Variants in CCDC12 observed in about 807,000 individuals in gnomAD.
The protein encoded by CCDC12 is coiled-coil domain-containing protein 12.
A neutral mutation model predicts 25.7 loss-of-function variants in CCDC12; 28 were observed. The observed-to-expected ratio is 1.09, with a 90% CI of 0.81 to 1.50. The LOEUF (loss-of-function observed/expected upper bound fraction) is 1.50, where lower values mean the gene tolerates loss of function less well. Ranked by LOEUF, CCDC12 falls within the 40% of genes most tolerant of loss-of-function variation. The pLI, the probability that CCDC12 is intolerant of heterozygous loss-of-function variation, is 0.00. For synonymous variants in CCDC12, 75 were observed against 87.7 expected (o/e 0.86, Z 0.81); for missense variants, 198 against 210.0 (o/e 0.94, Z 0.35).
intron 2 of CCDC12, among the ~76,000 whole-genome samples, chr3:46,931,195 T>C (rs1404323702): frequency 2.6e-5 from 4 of 151,988 alleles, no homozygotes; most frequent in Admixed American, 1.3e-4. Context: ...TTCCATAGAG[T>C]TTCCTTCTAA....
In CCDC12 at chr3:46,921,991, C is replaced by A. The variant is rs749184662; in HGVS notation, c.*66G>T. ...TGGAGGTGATGGCAAGCCTAGCCCC[C>A]ATCCCTGCCCAAGACCATCCTCTGC... On this transcript the variant is annotated 3_prime_UTR_variant, in exon 7 of 7. Coordinates refer to ENST00000683445, the MANE Select transcript of CCDC12 (RefSeq NM_001277074.2). 4.5e-6 allele frequency: 7 copies of A among 1,554,256 alleles called. No individual in the cohort carries two copies. The South Asian group carries it at 4.5e-5, about 10-fold the overall frequency.
chr3:46,948,854 C>T (rs1284170498), intron 1 of CCDC12, among the ~76,000 whole-genome samples: 1 of 152,232 alleles, frequency 6.6e-6, no homozygotes, highest in Non-Finnish European at 1.5e-5. Flanking sequence ...ATTCTTGCTG[C>T]AAGTGCTCAA....
At position 46,925,506 on chromosome 3, in the gene CCDC12, T is replaced by C; in HGVS notation, c.194A>G (p.Glu65Gly). 6.3e-7 allele frequency: 1 copy of C among 1,599,430 alleles called. No homozygotes were observed. The highest frequency in any genetic ancestry group is 8.6e-7 in the Non-Finnish European group (1 of 1,169,082). ...CCTCCTCTTCTTCAGGTCCTCATCC[T>C]CCGGGACATAGTTCCGCAGCCTAAG... ...RELRLRNYVP[E>G]DEDLKKRRVP... The change falls in exon 3 of 7, where the codon GAG (glutamate) becomes GGG (glycine). Residue 65 changes from glutamate to glycine, a missense_variant. By Grantham distance (98) the Glu-to-Gly change is moderately conservative (BLOSUM62 -2). Coordinates refer to ENST00000683445, the MANE Select transcript of CCDC12 (RefSeq NM_001277074.2).
At chr3:46,976,970 G>A (rs115702632), upstream of CCDC12, 13,605 of 179,398 alleles carry the variant, frequency 0.076, 6 homozygotes, top group South Asian at 0.11. Flanking sequence ...AAAAAAAAAA[G>A]AAAAAAAAAA....
chr3:46,928,036 G>T (rs1192788780), intron 2 of CCDC12, among the ~76,000 whole-genome samples: 1 of 152,108 alleles, frequency 6.6e-6, no homozygotes, highest in Non-Finnish European at 1.5e-5. Context: ...ATCACTTTAG[G>T]TCAGGAGTTT....
At chr3:46,957,996 C>CACACACACACACACACACACACACACAT (rs113627328) in intron 1 of CCDC12, among the ~76,000 whole-genome samples, 4 of 142,582 alleles carry the variant, frequency 2.8e-5, no homozygotes, top group South Asian at 2.4e-4. Context: ...CACACACACA[C>CACACACACACACACACACACACACACAT]ATATATATGT....
intron 1 of CCDC12, among the ~76,000 whole-genome samples, chr3:46,947,081 T>C (rs2033936569): frequency 6.6e-6 from 1 of 152,184 alleles, no homozygotes; most frequent in South Asian, 2.1e-4. Context: ...CCAGGTGATA[T>C]GCCCCATTAG....
intron 1 of CCDC12, among the ~76,000 whole-genome samples, chr3:46,958,722 G>A (rs144151797): frequency 6.6e-5 from 10 of 152,156 alleles, no homozygotes; most frequent in Middle Eastern, 3.4e-3. Context: ...GCTGAGACTC[G>A]GGATGTTTGT....
In CCDC12 at chr3:46,963,717, C is replaced by T. The variant is rs1445069216; in HGVS notation, c.96+12920G>A. ...GAGTGATCCGCCAGCCTCGGCCTCC[C>T]GAGGTGCCGGGATTGCAGATGGAGT... On this transcript the variant is annotated intron_variant, in intron 1 of 6. Transcript: ENST00000683445. Among the ~76,000 whole-genome samples, 6 of 152,390 alleles carry T rather than the reference C, an allele frequency of 3.9e-5. No homozygotes were observed. In the East Asian group the frequency reaches 9.6e-4, roughly 24 times the overall value.
chr3:46,956,280 G>A (rs1465341275), intron 1 of CCDC12, among the ~76,000 whole-genome samples: 2 of 152,210 alleles, frequency 1.3e-5, no homozygotes, highest in Non-Finnish European at 2.9e-5. Context: ...TGCCAAATCA[G>A]AATCTTCCAC....
At chr3:46,965,538 C>A (rs2034613036) in intron 1 of CCDC12, among the ~76,000 whole-genome samples, 1 of 152,220 alleles carries the variant, frequency 6.6e-6, no homozygotes, top group Non-Finnish European at 1.5e-5. Flanking sequence ...TTCGCCCAGG[C>A]CAGGTGTTTC....
chr3:46,955,859 A>T (rs565882087), intron 1 of CCDC12, among the ~76,000 whole-genome samples: 4 of 152,238 alleles, frequency 2.6e-5, no homozygotes, highest in African/African-American at 9.6e-5. Context: ...GTCCCTTCCA[A>T]CTGCAAGCTG....
At chr3:46,963,398 TCC>T (rs2034520844) in intron 1 of CCDC12, among the ~76,000 whole-genome samples, 1 of 2,326 alleles carries the variant, frequency 4.3e-4, no homozygotes, top group South Asian at 0.1. Flanking sequence ...CCTCTCCCTC[TCC>T]CTCTCCCTCT....
intron 2 of CCDC12, among the ~76,000 whole-genome samples, chr3:46,925,886 T>G (rs2032937086): frequency 6.6e-6 from 1 of 152,238 alleles, no homozygotes; most frequent in Admixed American, 6.5e-5. Context: ...GACTGTACCC[T>G]TTTCATAGGA....
chr3:46,973,901 C>T (rs1483404429), intron 1 of CCDC12, among the ~76,000 whole-genome samples: 1 of 152,156 alleles, frequency 6.6e-6, no homozygotes, highest in African/African-American at 2.4e-5. Context: ...CGTGAGCCAC[C>T]GCACCAGGCC....
intron 1 of CCDC12, among the ~76,000 whole-genome samples, chr3:46,964,278 G>A (rs1211080809): frequency 6.6e-6 from 1 of 151,510 alleles, no homozygotes; most frequent in Non-Finnish European, 1.5e-5. Context: ...CCGTCCGGGA[G>A]GGAGGTGGGG....
chr3:46,927,732 C>T (rs1015969024), intron 2 of CCDC12, among the ~76,000 whole-genome samples: 11 of 152,222 alleles, frequency 7.2e-5, no homozygotes, highest in African/African-American at 2.4e-4. Context: ...CCAGCTCTAT[C>T]AAGCTGGGTC....
chr3:46,966,648 C>T (rs762750785), intron 1 of CCDC12, among the ~76,000 whole-genome samples: 46 of 152,176 alleles, frequency 3.0e-4, no homozygotes, highest in Non-Finnish European at 5.3e-4. Context: ...GACAGCAAGG[C>T]TATAAGGGCA....
chr3:46,961,261 T>C (rs1365019936), intron 1 of CCDC12, among the ~76,000 whole-genome samples: 1 of 152,170 alleles, frequency 6.6e-6, no homozygotes, highest in Non-Finnish European at 1.5e-5. Flanking sequence ...AAAATATGAA[T>C]TGCATTTCAT....
Sources: gnomAD v4.1 joint callset for allele counts (sites outside exome capture counted in the v4.1 genomes callset) on GRCh38, gnomAD v4.1.1 for gene constraint, MANE v1.5 for transcripts, NCBI Gene and HGNC (gene_info 2026-07-23, HGNC 2026-07-21) for gene names.